Variants in ARHGAP23 observed in about 807,000 individuals in gnomAD.
ARHGAP23 encodes the protein rho GTPase-activating protein 23.
Under a neutral mutation model 136.3 loss-of-function variants are expected in ARHGAP23, and 34 were observed. The ratio of observed to expected loss-of-function variants is 0.25; its 90% CI spans 0.19 to 0.33. The LOEUF is 0.33. Ranked by LOEUF, ARHGAP23 falls within the 10% of genes least tolerant of loss-of-function variation. The probability of loss-of-function intolerance (pLI) is 1.00; values close to 1 mark genes in which losing one functional copy is unlikely to be tolerated. For synonymous variants in ARHGAP23, 832 were observed against 920.5 expected, an observed-to-expected ratio of 0.90 and a Z score of 1.74; for missense variants, 1,808 against 2,139.0, an observed-to-expected ratio of 0.85 and a Z score of 3.05.
intron 12 of ARHGAP23, among the ~76,000 whole-genome samples, chr17:38,478,960 C>T (rs566635438): frequency 6.6e-6 from 1 of 152,312 alleles, no homozygotes; most frequent in African/African-American, 2.4e-5. Flanking sequence ...CTCTTACTGA[C>T]CAGGCTCTGC....
chr17:38,479,725 C>G lies in ARHGAP23; in HGVS notation c.2499-28C>G, dbSNP rs573379850. On this transcript the variant is annotated intron_variant, in intron 13 of 23. Coordinates refer to ENST00000622683, the MANE Select transcript of ARHGAP23 (RefSeq NM_001199417.2). ...CTGCTTGGCCACCCCAAATGAAGAC[C>G]TCTCCTCTCCCCCTTTTTCCTACAC... The G allele has an allele frequency of 3.8e-4, 559 of 1,465,196 alleles. 3 individuals carry two copies. In the African/African-American group the frequency reaches 7.2e-3, roughly 19 times the overall value. The allele number at this position is 1,465,196 out of a possible 1,614,324, so 90.8% of individuals were successfully genotyped here.
chr17:38,427,908 G>A (rs1043788383), upstream of ARHGAP23, among the ~76,000 whole-genome samples: 1 of 152,184 alleles, frequency 6.6e-6, no homozygotes, highest in Non-Finnish European at 1.5e-5. Flanking sequence ...AAAGGGAAGG[G>A]GGCCTCTAAG....
At position 38,483,201 on chromosome 17, in the gene ARHGAP23, A is replaced by G. The variant is rs181183673; in HGVS notation, c.2907+523A>G. On this transcript the variant is annotated intron_variant, in intron 16 of 23. Transcript: ENST00000622683. ...ACCATACTTAGCTCAAGGGCCATCC[A>G]AAAGCAGGCTGTGGCTAGATATTGC... Among the ~76,000 whole-genome samples, 354 of 152,344 alleles carry G rather than the reference A, an allele frequency of 2.3e-3. 2 individuals carry two copies. The highest frequency in any genetic ancestry group is 7.8e-3 in the African/African-American group (326 of 41,582).
intron 7 of ARHGAP23, among the ~76,000 whole-genome samples, chr17:38,468,186 C>T (rs1294566852): frequency 2.0e-5 from 3 of 152,166 alleles, no homozygotes; most frequent in African/African-American, 7.2e-5. Flanking sequence ...GACCCCCTTC[C>T]AGGTTGTGAG....
Position 38,466,717 on chromosome 17 carries a change from G to T in ARHGAP23, c.1034G>T (p.Gly345Val). 6.5e-7 allele frequency: 1 copy of T among 1,538,218 alleles called. No homozygotes were observed. The change falls in exon 7 of 24, where the codon GGC (glycine) becomes GTC (valine). Residue 345 changes from glycine (G) to valine (V), a missense_variant. Transcript: ENST00000622683. Reference protein sequence around the residue: ...QDALSQLGQEGWHRARSDDYL... With the variant: ...QDALSQLGQEVWHRARSDDYL... Reference sequence around the variant, plus strand: ...GCTTTGAGCCAGCTGGGCCAGGAGGGCTGGCACCGAGCTCGCTCAGATGAC... The same window carrying T: ...GCTTTGAGCCAGCTGGGCCAGGAGGTCTGGCACCGAGCTCGCTCAGATGAC...
rs923947982 is a variant in ARHGAP23 at position 38,462,857 on chromosome 17, C to G, written c.265C>G (p.Arg89Gly). The stretch of plus-strand genomic sequence containing the variant: ...CTGATGCCCACTAGGACCCTCCCCC[C>G]GGTACCGCCTGGAGCCCATGGACAC... ...NGGRGGGPSP[R>G]YRLEPMDTIF... is the part of the protein sequence containing the mutation. Residue 89 changes from arginine to glycine, a missense_variant, in exon 4 of 24, where the codon CGG (arginine) becomes GGG (glycine). By Grantham distance (125) the Arg-to-Gly change is moderately radical (BLOSUM62 -2). Transcript: ENST00000622683. The G allele has an allele frequency of 1.2e-5, 18 of 1,521,240 alleles. No individual in the cohort carries two copies. Among genetic ancestry groups the G allele is most frequent in the Non-Finnish European group, 1.6e-5 (18 of 1,136,578 alleles). The allele number at this position is 1,521,240 out of a possible 1,614,324, so 94.2% of individuals were successfully genotyped here. A position where few individuals can be genotyped will look rare whatever the true frequency, so the allele number is the denominator to read the frequency against.
Position 38,458,241 on chromosome 17 carries a change from C to T in ARHGAP23, c.203C>T (p.Ser68Leu), listed in dbSNP as rs151011696. 8.0e-3 allele frequency: 12,281 copies of T among 1,530,882 alleles called. 66 individuals carry two copies. Among genetic ancestry groups the T allele is most frequent in the Non-Finnish European group, 9.8e-3 (11,221 of 1,143,600 alleles). The allele number at this position is 1,530,882 out of a possible 1,614,324, so 94.8% of individuals were successfully genotyped here. ...CACTTCATCGTGTACCCACCCGAGT[C>T]GGCCGTGCACTGCAGCCTGAAGGTA... Reference protein sequence around the residue: ...LRHFIVYPPESAVHCSLKEEE... With the variant: ...LRHFIVYPPELAVHCSLKEEE... Residue 68 changes from serine (S) to leucine (L), a missense_variant, in exon 2 of 24, where the codon TCG (serine) becomes TTG (leucine). By Grantham distance (145) the Ser-to-Leu change is moderately radical. Transcript: ENST00000622683.
chr17:38,471,764 C>T (rs542385596), intron 10 of ARHGAP23, 99 bp from the exon 11 acceptor site: 224 of 1,369,450 alleles, frequency 1.6e-4, no homozygotes, highest in Non-Finnish European at 1.3e-4. Context: ...GTAGCACAGA[C>T]ATATATCAGG....
At chr17:38,483,820 G>C (rs888002459) in intron 16 of ARHGAP23, among the ~76,000 whole-genome samples, 4 of 152,146 alleles carry the variant, frequency 2.6e-5, no homozygotes, top group African/African-American at 9.7e-5. Flanking sequence ...AATAGGAGGG[G>C]GCAGGTGGAC....
chr17:38,478,655 C>A (rs952121155), intron 12 of ARHGAP23, among the ~76,000 whole-genome samples: 1 of 152,038 alleles, frequency 6.6e-6, no homozygotes, highest in Non-Finnish European at 1.5e-5. Context: ...GTGATCCTCC[C>A]GCCTCAGCCT....
At chr17:38,490,253 G>A (rs1224032523) in intron 18 of ARHGAP23, 78 bp downstream of exon 18, 9 of 1,420,110 alleles carry the variant, frequency 6.3e-6, no homozygotes, top group Non-Finnish European at 6.8e-6. Flanking sequence ...CAGGGAGTCC[G>A]GTGCTGCCCA....
At chr17:38,489,054 T>A (rs2040216603) in intron 17 of ARHGAP23, among the ~76,000 whole-genome samples, 1 of 151,924 alleles carries the variant, frequency 6.6e-6, no homozygotes, top group Admixed American at 6.6e-5. Flanking sequence ...TTTTATATTT[T>A]TAGTAAAGAT....
chr17:38,507,030 T>G (rs570255571), intron 23 of ARHGAP23, among the ~76,000 whole-genome samples: 1 of 152,136 alleles, frequency 6.6e-6, no homozygotes, highest in Admixed American at 6.5e-5. Context: ...TCCCAGCACT[T>G]TGGAAGGCCA....
rs576986734 is a variant in ARHGAP23 at position 38,463,167 on chromosome 17, C to T, written c.399C>T (p.Tyr133=). Residue 133 remains tyrosine, a synonymous_variant, in exon 5 of 24, where the codon TAC becomes TAT. Coordinates refer to ENST00000622683, the MANE Select transcript of ARHGAP23 (RefSeq NM_001199417.2). ...GGGAAAGCGTCATTGGGAAGACCTA[C>T]TCTCAGGTCATAGCTCTGATCCAGA... The part of the protein sequence containing the change: ...VNGESVIGKT[Y]SQVIALIQNS... 21 of 1,551,566 alleles carry T rather than the reference C, an allele frequency of 1.4e-5. 1 individual carries two copies. In the South Asian group the frequency reaches 1.9e-4, roughly 14 times the overall value.
In ARHGAP23 at chr17:38,464,927, C is replaced by T. The variant is rs117184584; in HGVS notation, c.484-1240C>T. Among the ~76,000 whole-genome samples the T allele has an allele frequency of 1.7e-3, 253 of 152,302 alleles. 2 individuals are homozygous for T. Among genetic ancestry groups the T allele is most frequent in the Non-Finnish European group, 1.1e-3 (74 of 68,022 alleles). On this transcript the variant is annotated intron_variant, in intron 6 of 23. Transcript: ENST00000622683. ...CCTCGGCAGCTGCTGACGCCACCAC[C>T]GACGCGGCGAGGCCCCTCCACACCC...
At chr17:38,445,608 G>T (rs2144544503) in intron 1 of ARHGAP23, among the ~76,000 whole-genome samples, 1 of 151,710 alleles carries the variant, frequency 6.6e-6, no homozygotes, top group African/African-American at 2.4e-5. Flanking sequence ...ATCACCGTAA[G>T]TGGAATAATA....
chr17:38,497,143 CTTAGAATT>C (rs2144777895), intron 20 of ARHGAP23, among the ~76,000 whole-genome samples: 1 of 151,966 alleles, frequency 6.6e-6, no homozygotes, highest in East Asian at 1.9e-4. Context: ...TTTCAGAAAA[CTTAGAATT>C]TTATCTTCAA....
At chr17:38,471,793 G>T (rs1368972013) in intron 10 of ARHGAP23, 70 bp from the exon 11 acceptor site, 1 of 1,458,018 alleles carries the variant, frequency 6.9e-7, no homozygotes, top group African/African-American at 1.4e-5. Context: ...GCCACAAGTG[G>T]TCCATGGGGT....
chr17:38,462,225 G>A (rs1171921638), intron 3 of ARHGAP23, among the ~76,000 whole-genome samples: 1 of 142,204 alleles, frequency 7.0e-6, no homozygotes, highest in Non-Finnish European at 1.5e-5. Flanking sequence ...TGGGATTACA[G>A]GCGTGAACCA....
Sources: gnomAD v4.1 joint callset for allele counts (sites outside exome capture counted in the v4.1 genomes callset) on GRCh38, gnomAD v4.1.1 for gene constraint, MANE v1.5 for transcripts, NCBI Gene and HGNC (gene_info 2026-07-23, HGNC 2026-07-21) for gene names.